Variants in GFM1 observed in about 807,000 individuals in gnomAD.
GFM1 encodes elongation factor G, mitochondrial.
GFM1 carries 62 observed loss-of-function variants against 96.2 expected under a neutral mutation model. The observed-to-expected ratio is 0.64, with a 90% CI of 0.53 to 0.80. The LOEUF is 0.80. Ranked by LOEUF, GFM1 falls within the 30% of genes least tolerant of loss-of-function variation. The pLI is 0.00. For synonymous variants in GFM1, 282 were observed against 312.9 expected, an observed-to-expected ratio of 0.90 and a Z score of 1.04; for missense variants, 852 against 916.6, an observed-to-expected ratio of 0.93 and a Z score of 0.91.
chr3:158,651,981 A>G lies in GFM1; in HGVS notation c.690-115A>G, dbSNP rs137976357. The stretch of plus-strand genomic sequence containing the variant: ...TTATTTGCCATTTGAATGCAAATGT[A>G]TCAGAGCTCTTTGTTACCTAAAAAA... On this transcript the variant is annotated intron_variant, in intron 5 of 17. Transcript: ENST00000486715. The G allele has an allele frequency of 7.6e-5, 63 of 831,114 alleles. No homozygotes were observed. In the African/African-American group the frequency reaches 9.7e-4, roughly 13 times the overall value. 51.5% of individuals were successfully genotyped at this position (831,114 alleles called of 1,614,324 possible).
At chr3:158,665,623 C>T in intron 12 of GFM1, 149 bp downstream of exon 12, 4 of 689,448 alleles carry the variant, frequency 5.8e-6, no homozygotes, top group Non-Finnish European at 1.0e-5. Context: ...ACTGCTTCCT[C>T]TACTATGTGT....
chr3:158,657,174 T>C (rs1722832078), intron 8 of GFM1: 2 of 152,200 alleles, frequency 1.3e-5, no homozygotes, highest in African/African-American at 2.4e-5. Flanking sequence ...AAAAATATTT[T>C]ACAGTATATT....
intron 11 of GFM1, among the ~76,000 whole-genome samples, chr3:158,664,342 ATGT>A (rs950105007): frequency 2.0e-5 from 3 of 152,210 alleles, no homozygotes; most frequent in African/African-American, 4.8e-5. Flanking sequence ...GATATTGGTA[ATGT>A]TGTTTTCCTT....
intron 1 of GFM1, 118 bp from the exon 2 acceptor site, chr3:158,645,511 A>C (rs140204632): frequency 1.1e-6 from 1 of 872,282 alleles, no homozygotes; most frequent in African/African-American, 1.7e-5. Flanking sequence ...GCCTTTCTCA[A>C]GCTATCTCAT....
At chr3:158,667,164 A>AATAT (rs1723789017) in intron 13 of GFM1, 2 of 1,293,540 alleles carry the variant, frequency 1.5e-6, no homozygotes, top group Admixed American at 6.6e-5. Flanking sequence ...TGATTAGATG[A>AATAT]ATATAATATT....
At chr3:158,644,970 C>T (rs1051038353) in intron 1 of GFM1, 12 of 391,222 alleles carry the variant, frequency 3.1e-5, no homozygotes, top group African/African-American at 1.1e-4. Context: ...TTTTATCCAC[C>T]TTTTCTAAGG....
chr3:158,645,832 T>G (rs1419093407), intron 2 of GFM1, 51 bp downstream of exon 2: 1 of 1,437,580 alleles, frequency 7.0e-7, no homozygotes, highest in Non-Finnish European at 9.8e-7. Context: ...TTTTAATTGT[T>G]TTGTTGCTAT....
Position 158,682,095 on chromosome 3 carries a change from G to A in GFM1, c.1702G>A (p.Glu568Lys). Residue 568 changes from glutamate to lysine, a missense_variant, in exon 14 of 18, where the codon GAA becomes AAA. By Grantham distance (56) the Glu-to-Lys change is moderately conservative. Coordinates refer to ENST00000486715, the MANE Select transcript of GFM1 (RefSeq NM_024996.7). ...GGACCCAGAGGACTACACTAAATTG[G>A]AATTTTCAGATGAAACATTCGGATC... ...PLDPEDYTKLEFSDETFGSNI... is the reference protein window; with the variant it reads ...PLDPEDYTKLKFSDETFGSNI... 1 of 1,613,688 alleles carries A rather than the reference G, an allele frequency of 6.2e-7. No homozygotes were observed. The highest frequency in any genetic ancestry group is 1.7e-5 in the Admixed American group (1 of 59,966).
intron 13 of GFM1, chr3:158,669,658 T>C: frequency 4.6e-6 from 7 of 1,510,686 alleles, no homozygotes; most frequent in Non-Finnish European, 6.4e-6. Flanking sequence ...GGCTATTCAT[T>C]ATTAATTATC....
chr3:158,673,764 A>G (rs1486611830), intron 13 of GFM1, among the ~76,000 whole-genome samples: 1 of 151,968 alleles, frequency 6.6e-6, no homozygotes, highest in Non-Finnish European at 1.5e-5. Flanking sequence ...TTAGCCTCCC[A>G]AAGTGCTGGG....
intron 2 of GFM1, 112 bp from the exon 3 acceptor site, chr3:158,646,053 G>A (rs1346758844): frequency 7.5e-7 from 1 of 1,329,798 alleles, no homozygotes; most frequent in South Asian, 1.2e-5. Flanking sequence ...ACAGTGCTGG[G>A]ATTATAGGCA....
At position 158,650,200 on chromosome 3, in the gene GFM1, A is replaced by G. The variant is rs557277346; in HGVS notation, c.689+1043A>G. 70 of 734,648 alleles carry G rather than the reference A, an allele frequency of 9.5e-5. No individual in the cohort carries two copies. In the South Asian group the frequency reaches 1.0e-3, roughly 11 times the overall value. 45.5% of individuals were successfully genotyped at this position (734,648 alleles called of 1,614,324 possible). The stretch of plus-strand genomic sequence containing the variant: ...ATGTAACAACTGAGTAATGACAACA[A>G]AGTTTACCTACCACTCCTTAGGATA... On this transcript the variant is annotated intron_variant, in intron 5 of 17. Transcript: ENST00000486715.
intron 15 of GFM1, among the ~76,000 whole-genome samples, chr3:158,685,472 A>C (rs987723668): frequency 2.6e-5 from 4 of 152,230 alleles, no homozygotes; most frequent in Non-Finnish European, 1.5e-5. Flanking sequence ...ATCAAAGAGG[A>C]TTAAAGTGGA....
chr3:158,658,911 T>G lies in GFM1; in HGVS notation c.1084-11T>G. The G allele has an allele frequency of 6.2e-7, 1 of 1,614,106 alleles. No individual in the cohort carries two copies. Among genetic ancestry groups the G allele is most frequent in the South Asian group, 1.1e-5 (1 of 91,084 alleles). ...TTATTCTTCCTGCCCTTACCCAATC[T>G]TGACTTCTAGGTAGGTCGATTTGGA... is the stretch of plus-strand genomic sequence containing the variant. On this transcript the variant is annotated splice_polypyrimidine_tract_variant and intron_variant, in intron 8 of 17. Transcript: ENST00000486715.
chr3:158,661,617 C>G (rs1185012068), intron 10 of GFM1, among the ~76,000 whole-genome samples: 2 of 152,198 alleles, frequency 1.3e-5, no homozygotes, highest in African/African-American at 4.8e-5. Flanking sequence ...ATTCCCTTCA[C>G]TCACTCACCT....
chr3:158,672,303 G>C, intron 13 of GFM1: 1 of 1,606,166 alleles, frequency 6.2e-7, no homozygotes, highest in Non-Finnish European at 8.5e-7. Context: ...AGTGGAGGGA[G>C]CGCAATCCTG....
At position 158,691,758 on chromosome 3, in the gene GFM1, G is replaced by GTATA. The variant is rs1280300324; in HGVS notation, c.*291_*292insTATA. On this transcript the variant is annotated 3_prime_UTR_variant, in exon 18 of 18. Coordinates refer to ENST00000486715, the MANE Select transcript of GFM1 (RefSeq NM_024996.7). ...ATGTTTAATATTTAAGGGGAAAAGA[G>GTATA]ACTAATTTCAGTTATACTTTTAAGC... is the stretch of plus-strand genomic sequence containing the variant. 3.7e-6 allele frequency: 1 copy of GTATA among 271,430 alleles called. No homozygotes were observed. The highest frequency in any genetic ancestry group is 2.3e-5 in the African/African-American group (1 of 43,944). 16.8% of individuals were successfully genotyped at this position (271,430 alleles called of 1,614,324 possible).
At chr3:158,672,510 T>A in intron 13 of GFM1, 1 of 1,612,412 alleles carries the variant, frequency 6.2e-7, no homozygotes, top group Non-Finnish European at 8.5e-7. Context: ...GGGCTTGGGC[T>A]ACTCTGGCTT....
At chr3:158,668,460 G>GTAA (rs1171888012) in intron 13 of GFM1, among the ~76,000 whole-genome samples, 2 of 152,000 alleles carry the variant, frequency 1.3e-5, no homozygotes, top group Non-Finnish European at 2.9e-5. Context: ...ACTGTATATT[G>GTAA]TACACCTGGG....
Sources: gnomAD v4.1 joint callset for allele counts (sites outside exome capture counted in the v4.1 genomes callset) on GRCh38, gnomAD v4.1.1 for gene constraint, MANE v1.5 for transcripts, NCBI Gene and HGNC (gene_info 2026-07-23, HGNC 2026-07-21) for gene names.